Variants in KLHL18 observed in about 807,000 individuals in gnomAD.
The protein encoded by KLHL18 is kelch like family member 18.
In KLHL18, 38 loss-of-function variants were observed where a neutral mutation model predicts 58.5. The observed-to-expected ratio is 0.65, with a 90% CI of 0.50 to 0.85. The LOEUF is 0.85. Among genes scored for constraint, KLHL18 ranks in the 40% least tolerant of loss-of-function variants. The pLI is 0.00. For missense variants in KLHL18, 624 were observed against 778.4 expected, an observed-to-expected ratio of 0.80 and a Z score of 2.36; for synonymous variants, 303 against 301.9, an observed-to-expected ratio of 1.00 and a Z score of -0.04.
rs750474794 is a variant in KLHL18, at chr3:47,340,698, G to A, written c.1226+22G>A. ...ACAAGTAAGGACTCCAGCTCCCTTG[G>A]GGCAACTGGAGCTTATAAACAGAGA... On this transcript the variant is annotated intron_variant, in intron 8 of 9. Coordinates refer to ENST00000232766, the MANE Select transcript of KLHL18 (RefSeq NM_025010.5). 1.2e-5 allele frequency: 19 copies of A among 1,613,236 alleles called. No homozygotes were observed. In the South Asian group the frequency reaches 1.8e-4, roughly 15 times the overall value.
Position 47,343,638 on chromosome 3 carries a change from C to T in KLHL18, c.1422C>T (p.Ser474=). ...AGCGCTGCCGGCACGGAGCCGCCTC[C>T]CTGGGGAGCAAGATGTTTGTCTGCG... ...LNKRCRHGAA[S]LGSKMFVCGG... Residue 474 remains serine, a synonymous_variant, in exon 10 of 10, where the codon TCC becomes TCT. Coordinates refer to ENST00000232766, the MANE Select transcript of KLHL18 (RefSeq NM_025010.5). 1 of 1,614,160 alleles carries T rather than the reference C, an allele frequency of 6.2e-7. No individual in the cohort carries two copies. The highest frequency in any genetic ancestry group is 8.5e-7 in the Non-Finnish European group (1 of 1,180,038).
At chr3:47,307,158 G>A (rs1703164945) in intron 1 of KLHL18, among the ~76,000 whole-genome samples, 1 of 152,072 alleles carries the variant, frequency 6.6e-6, no homozygotes, top group Non-Finnish European at 1.5e-5. Flanking sequence ...TGCAACGTTC[G>A]CCTCCCGGGT....
intron 1 of KLHL18, 159 bp downstream of exon 1, chr3:47,283,253 G>A (rs1462266482): frequency 6.0e-6 from 4 of 668,290 alleles, no homozygotes; most frequent in Admixed American, 5.8e-5. Flanking sequence ...GAGCAAAAGG[G>A]GATCGGGGCC....
At chr3:47,283,142 G>A in intron 1 of KLHL18, 48 bp downstream of exon 1, 1 of 1,531,576 alleles carries the variant, frequency 6.5e-7, no homozygotes, top group East Asian at 2.4e-5. Context: ...GGGTCGAGCG[G>A]GGAGTAAAAA....
chr3:47,293,742 A>G (rs955096396), intron 1 of KLHL18, among the ~76,000 whole-genome samples: 2 of 152,220 alleles, frequency 1.3e-5, no homozygotes, highest in Non-Finnish European at 2.9e-5. Context: ...TTTCAAACCT[A>G]TAATTCTACC....
At chr3:47,287,873 G>A (rs753853777) in intron 1 of KLHL18, among the ~76,000 whole-genome samples, 15 of 152,088 alleles carry the variant, frequency 9.9e-5, no homozygotes, top group Non-Finnish European at 1.8e-4. Context: ...TTTTGAATTT[G>A]TTTTAGCTTC....
At position 47,340,670 on chromosome 3, in the gene KLHL18, C is replaced by T. The variant is rs145852866; in HGVS notation, c.1220C>T (p.Thr407Met). 55 of 1,613,880 alleles carry T rather than the reference C, an allele frequency of 3.4e-5. No homozygotes were observed. The highest frequency in any genetic ancestry group is 6.6e-5 in the South Asian group (6 of 91,056). ...TCCGTGGAGACCTACTCACCTGAGA[C>T]GGACAAGTAAGGACTCCAGCTCCCT... The part of the protein sequence containing the change: ...LSSVETYSPE[T>M]DKWTVVTSMS... Residue 407 changes from threonine (T) to methionine (M), a missense_variant, in exon 8 of 10, where the codon ACG becomes ATG. Coordinates refer to ENST00000232766, the MANE Select transcript of KLHL18 (RefSeq NM_025010.5).
At chr3:47,322,505 G>T in intron 2 of KLHL18, 63 bp from the exon 3 acceptor site, 1 of 1,477,916 alleles carries the variant, frequency 6.8e-7, no homozygotes, top group Non-Finnish European at 9.0e-7. Context: ...GTTAGGGCCT[G>T]AGTCTCCCGT....
intron 1 of KLHL18, among the ~76,000 whole-genome samples, chr3:47,294,657 GCA>G (rs10599431): frequency 0.071 from 10,843 of 152,108 alleles, 1,278 homozygotes; most frequent in African/African-American, 0.24. Context: ...ACCCAGCCCA[GCA>G]CAGTTCCTTG....
chr3:47,285,632 G>A (rs530739906), intron 1 of KLHL18, among the ~76,000 whole-genome samples: 5 of 152,232 alleles, frequency 3.3e-5, no homozygotes, highest in African/African-American at 7.2e-5. Flanking sequence ...CAAAAAGGGC[G>A]TGGCAGCGTG....
chr3:47,310,619 G>A (rs1703275400), intron 1 of KLHL18, among the ~76,000 whole-genome samples: 1 of 152,148 alleles, frequency 6.6e-6, no homozygotes, highest in South Asian at 2.1e-4. Flanking sequence ...CAGGCACTCG[G>A]TGTCAGCTTG....
At position 47,340,570 on chromosome 3, in the gene KLHL18, A is replaced by G; in HGVS notation, c.1122-2A>G. ...CTGGGATGACAGCTCTGTCTGTTTCAGTGCCATGGGGACAGTCGTGCTGGA... is the reference window on the plus strand; with the variant it reads ...CTGGGATGACAGCTCTGTCTGTTTCGGTGCCATGGGGACAGTCGTGCTGGA... On this transcript the variant is annotated splice_acceptor_variant, in intron 7 of 9. Coordinates refer to ENST00000232766, the MANE Select transcript of KLHL18 (RefSeq NM_025010.5). LOFTEE classifies it high-confidence loss of function. The G allele has an allele frequency of 6.2e-7, 1 of 1,614,026 alleles. No homozygotes were observed. Among genetic ancestry groups the G allele is most frequent in the East Asian group, 2.2e-5 (1 of 44,870 alleles).
chr3:47,292,757 T>G (rs901112082), intron 1 of KLHL18, among the ~76,000 whole-genome samples: 6 of 151,760 alleles, frequency 4.0e-5, no homozygotes, highest in African/African-American at 1.5e-4. Flanking sequence ...AATACAAAAA[T>G]TAGCCAGGCG....
At chr3:47,313,349 C>G (rs548707847) in intron 1 of KLHL18, among the ~76,000 whole-genome samples, 4 of 151,902 alleles carry the variant, frequency 2.6e-5, no homozygotes, top group Non-Finnish European at 5.9e-5. Flanking sequence ...GCCTAAGTAG[C>G]TGGGACTACA....
chr3:47,297,407 A>G (rs1352542954), intron 1 of KLHL18, among the ~76,000 whole-genome samples: 1 of 152,164 alleles, frequency 6.6e-6, no homozygotes, highest in East Asian at 1.9e-4. Context: ...CCTGACTTCC[A>G]TTTCCTTATA....
At chr3:47,340,740 T>A (rs903125688) in intron 8 of KLHL18, 64 bp downstream of exon 8, 5 of 1,588,294 alleles carry the variant, frequency 3.1e-6, no homozygotes, top group African/African-American at 1.3e-5. Context: ...AAATCAGAAC[T>A]GTAGTTTTTT....
intron 3 of KLHL18, among the ~76,000 whole-genome samples, chr3:47,324,298 CTTTTTTTT>C (rs769288621): frequency 2.2e-3 from 82 of 37,480 alleles, no homozygotes; most frequent in South Asian, 4.8e-3. Flanking sequence ...TTCTTTCTTT[CTTTTTTTT>C]TTTTTTTTTT....
Position 47,339,914 on chromosome 3 carries a change from G to A in KLHL18, c.1122-658G>A, listed in dbSNP as rs556084998. ...AAAAAAAAAATTAGCTGGGTGTGGTGGTGCACACCTGTAATCCCAGCTACT... is the reference window on the plus strand; with the variant it reads ...AAAAAAAAAATTAGCTGGGTGTGGTAGTGCACACCTGTAATCCCAGCTACT... On this transcript the variant is annotated intron_variant, in intron 7 of 9. Coordinates refer to ENST00000232766, the MANE Select transcript of KLHL18 (RefSeq NM_025010.5). Among the ~76,000 whole-genome samples the A allele has an allele frequency of 2.0e-5, 3 of 152,202 alleles. No individual in the cohort carries two copies. In the South Asian group the frequency reaches 6.2e-4, roughly 32 times the overall value.
intron 1 of KLHL18, among the ~76,000 whole-genome samples, chr3:47,312,439 T>G (rs150764566): frequency 8.5e-5 from 13 of 152,304 alleles, no homozygotes; most frequent in African/African-American, 3.1e-4. Context: ...TAAATAGCCT[T>G]AAGTTTTCTA....
Sources: allele counts gnomAD v4.1 joint callset (sites outside exome capture counted in the v4.1 genomes callset), GRCh38; gene constraint gnomAD v4.1.1; transcripts MANE v1.5; gene names NCBI Gene and HGNC (gene_info 2026-07-23, HGNC 2026-07-21).